INTU: variants seen among roughly 807,000 people sequenced by gnomAD.
The protein encoded by INTU is protein inturned.
In INTU, 68 loss-of-function variants were observed where a neutral mutation model predicts 100.5. The observed-to-expected ratio is 0.68, with a 90% CI of 0.56 to 0.83. INTU has a LOEUF of 0.83. INTU is among the 40% of genes least tolerant of loss of function. The probability of loss-of-function intolerance (pLI) is 0.00; values close to 1 mark genes in which losing one functional copy is unlikely to be tolerated. For synonymous variants in INTU, 357 were observed against 395.7 expected (o/e 0.90, Z 1.16); for missense variants, 1,071 against 1,114.7 (o/e 0.96, Z 0.56).
In INTU at chr4:127,713,970, A is replaced by G; in HGVS notation, c.2594A>G (p.Asp865Gly). 1 of 1,612,166 alleles carries G rather than the reference A, an allele frequency of 6.2e-7. No individual in the cohort carries two copies. The highest frequency in any genetic ancestry group is 8.5e-7 in the Non-Finnish European group (1 of 1,178,538). The stretch of plus-strand genomic sequence containing the variant: ...GGACTAAATAGTGGAGACCATTCAG[A>G]TTCTGCAAAGTCAGTGTCTTCTCTT... ...KKGLNSGDHS[D>G]SAKSVSSLNP... The change falls in exon 15 of 16, where the codon GAT becomes GGT. Residue 865 changes from aspartate (D) to glycine (G), a missense_variant. Transcript: ENST00000335251.
intron 8 of INTU, among the ~76,000 whole-genome samples, chr4:127,689,461 A>G (rs891707348): frequency 6.6e-6 from 1 of 152,038 alleles, no homozygotes; most frequent in African/African-American, 2.4e-5. Flanking sequence ...ACCAGCCTGG[A>G]CAACATATGG....
chr4:127,650,296 A>G (rs1727786270), intron 2 of INTU, among the ~76,000 whole-genome samples: 1 of 151,764 alleles, frequency 6.6e-6, no homozygotes, highest in South Asian at 2.1e-4. Context: ...ATATGTATAC[A>G]TGTGCCATGC....
At chr4:127,645,544 A>T (rs1233057129) in intron 2 of INTU, among the ~76,000 whole-genome samples, 1 of 151,536 alleles carries the variant, frequency 6.6e-6, no homozygotes, top group Non-Finnish European at 1.5e-5. Flanking sequence ...TTATTTTTTT[A>T]TTTTTTATTT....
chr4:127,646,281 CT>C (rs989204069), intron 2 of INTU, among the ~76,000 whole-genome samples: 2 of 151,918 alleles, frequency 1.3e-5, no homozygotes, highest in African/African-American at 4.8e-5. Flanking sequence ...GGGTCCTCTA[CT>C]TTCCTTCTTG....
At chr4:127,688,952 CTTTTTCTTTTCTTTCTTTCTT>C (rs1378055662) in intron 8 of INTU, among the ~76,000 whole-genome samples, 106 of 120,164 alleles carry the variant, frequency 8.8e-4, no homozygotes, top group Non-Finnish European at 1.4e-3. Context: ...TTCTTTCTTT[CTTTTTCTTTTCTTTCTTTCTT>C]TTTTTTTTTT....
At chr4:127,698,368 A>C (rs1730491219) in intron 8 of INTU, among the ~76,000 whole-genome samples, 1 of 151,946 alleles carries the variant, frequency 6.6e-6, no homozygotes, top group Admixed American at 6.6e-5. Flanking sequence ...AGGCAGAGGC[A>C]GGAGAATGGC....
chr4:127,675,456 A>AT (rs985636359), intron 6 of INTU, among the ~76,000 whole-genome samples: 31 of 152,288 alleles, frequency 2.0e-4, no homozygotes, highest in African/African-American at 7.5e-4. Context: ...CAGTGTATTC[A>AT]TTTTTTATTG....
chr4:127,643,905 G>C lies in INTU; in HGVS notation c.531G>C (p.Glu177Asp), dbSNP rs765888692. 1 of 1,614,032 alleles carries C rather than the reference G, an allele frequency of 6.2e-7. No homozygotes were observed. The highest frequency in any genetic ancestry group is 8.5e-7 in the Non-Finnish European group (1 of 1,180,034). ...AGCTAACTGTTATCAAAGCCAAAGA[G>C]CAGCTCAAGCTTCTGGAAGTGCTGG... ...PKKLTVIKAK[E>D]QLKLLEVLVG... The change falls in exon 2 of 16, where the codon GAG (glutamate) becomes GAC (aspartate). Residue 177 changes from glutamate (E) to aspartate (D), a missense_variant. Glu to Asp is a conservative substitution (Grantham distance 45). Coordinates refer to ENST00000335251, the MANE Select transcript of INTU (RefSeq NM_015693.4).
At chr4:127,690,938 C>T (rs2126236233) in intron 8 of INTU, among the ~76,000 whole-genome samples, 1 of 152,176 alleles carries the variant, frequency 6.6e-6, no homozygotes. Context: ...GACATGGATC[C>T]ATCCTTTTAG....
chr4:127,688,907 C>T (rs1426625036), intron 8 of INTU, among the ~76,000 whole-genome samples: 2 of 144,566 alleles, frequency 1.4e-5, no homozygotes, highest in African/African-American at 5.2e-5. Context: ...ACTGCCTGGT[C>T]TTTTGATATT....
Position 127,717,971 on chromosome 4 carries a change from T to A in INTU, c.*1535T>A, listed in dbSNP as rs1180618421. ...ACTCTGATGATAGTTTCTTTTGCTG[T>A]GCAGAAGGTCTTTAATTTAACTAGA... On this transcript the variant is annotated 3_prime_UTR_variant, in exon 16 of 16. Coordinates refer to ENST00000335251, the MANE Select transcript of INTU (RefSeq NM_015693.4). 6.6e-6 allele frequency: 1 copy of A among 152,220 alleles called. No individual in the cohort carries two copies. The highest frequency in any genetic ancestry group is 1.5e-5 in the Non-Finnish European group (1 of 68,030). 9.4% of individuals were successfully genotyped at this position (152,220 alleles called of 1,614,324 possible).
At chr4:127,648,416 T>C (rs1360339400) in intron 2 of INTU, among the ~76,000 whole-genome samples, 1 of 152,200 alleles carries the variant, frequency 6.6e-6, no homozygotes, top group Non-Finnish European at 1.5e-5. Context: ...ATACTACACT[T>C]GCTTTCAGAA....
At chr4:127,704,337 A>G in intron 10 of INTU, 47 bp downstream of exon 10, 1 of 1,402,408 alleles carries the variant, frequency 7.1e-7, no homozygotes, top group Non-Finnish European at 9.9e-7. Flanking sequence ...GTATAAAGAG[A>G]ACTAAATTTT....
rs1348434979 is a variant in INTU at position 127,687,791 on chromosome 4, A to C, written c.1373A>C (p.Gln458Pro). The change falls in exon 8 of 16, where the codon CAG becomes CCG. Residue 458 changes from glutamine to proline, a missense_variant. Transcript: ENST00000335251. ...TCCAGCGCCAGTCCCAGTGCTCAGC[A>C]GTACGATGCTTCCAGTGCAGTACTT... ...LHSSASPSAQ[Q>P]YDASSAVLLD... is the part of the protein sequence containing the mutation. 1.2e-6 allele frequency: 2 copies of C among 1,613,552 alleles called. No homozygotes were observed. Among genetic ancestry groups the C allele is most frequent in the Non-Finnish European group, 1.7e-6 (2 of 1,179,660 alleles).
intron 2 of INTU, among the ~76,000 whole-genome samples, chr4:127,651,222 A>C (rs887680547): frequency 6.6e-6 from 1 of 151,960 alleles, no homozygotes; most frequent in African/African-American, 2.4e-5. Context: ...CTTTAGTTTA[A>C]TTAGATCCCA....
At chr4:127,689,280 G>A (rs1578607679) in intron 8 of INTU, among the ~76,000 whole-genome samples, 1 of 151,928 alleles carries the variant, frequency 6.6e-6, no homozygotes, top group East Asian at 1.9e-4. Context: ...ATGGCACCTG[G>A]CCTACCATTT....
At chr4:127,701,508 ATTCT>A (rs1190630314) in intron 9 of INTU, among the ~76,000 whole-genome samples, 1 of 152,166 alleles carries the variant, frequency 6.6e-6, no homozygotes, top group Non-Finnish European at 1.5e-5. Context: ...GATGAAAATA[ATTCT>A]TTATATTGTG....
chr4:127,665,226 T>C lies in INTU; in HGVS notation c.972+1642T>C, dbSNP rs947199187. On this transcript the variant is annotated intron_variant, in intron 4 of 15. Coordinates refer to ENST00000335251, the MANE Select transcript of INTU (RefSeq NM_015693.4). ...CCAAAAAATTTATAAATTAAGTATA[T>C]ATTATACAATATATAAATGATATAA... Among the ~76,000 whole-genome samples the C allele has an allele frequency of 3.4e-4, 51 of 148,946 alleles. No homozygotes were observed. In the Admixed American group the frequency reaches 3.4e-3, roughly 10 times the overall value.
At chr4:127,646,120 G>A (rs1476477341) in intron 2 of INTU, among the ~76,000 whole-genome samples, 3 of 150,370 alleles carry the variant, frequency 2.0e-5, no homozygotes, top group African/African-American at 7.3e-5. Flanking sequence ...GGAGGCAGAG[G>A]TTGCAATGAG....
Sources: allele counts gnomAD v4.1 joint callset (sites outside exome capture counted in the v4.1 genomes callset), GRCh38; gene constraint gnomAD v4.1.1; transcripts MANE v1.5; gene names NCBI Gene and HGNC (gene_info 2026-07-23, HGNC 2026-07-21).